Variants in WWP1 observed in about 807,000 individuals in gnomAD.
The protein encoded by WWP1 is NEDD4-like E3 ubiquitin-protein ligase WWP1.
WWP1 carries 49 observed loss-of-function variants against 130.6 expected under a neutral mutation model. The observed-to-expected ratio is 0.38, with a 90% CI of 0.30 to 0.48. WWP1 has a LOEUF of 0.48. Ranked by LOEUF, WWP1 falls within the 20% of genes least tolerant of loss-of-function variation. The probability of loss-of-function intolerance (pLI) is 0.99; values close to 1 mark genes in which losing one functional copy is unlikely to be tolerated. For synonymous variants in WWP1, 332 were observed against 367.8 expected (o/e 0.90, Z 1.11); for missense variants, 809 against 1,100.6 (o/e 0.74, Z 3.75).
At chr8:86,407,737 A>G (rs1193842072) in intron 8 of WWP1, among the ~76,000 whole-genome samples, 1 of 152,068 alleles carries the variant, frequency 6.6e-6, no homozygotes. Flanking sequence ...AAATTAATAG[A>G]CTTTATATTT....
chr8:86,396,675 C>T (rs774170810), intron 5 of WWP1, among the ~76,000 whole-genome samples: 5 of 151,316 alleles, frequency 3.3e-5, no homozygotes, highest in African/African-American at 1.2e-4. Context: ...CTTGCTGCAG[C>T]CTCGAACTCC....
At chr8:86,353,978 T>G (rs971951266) in intron 1 of WWP1, among the ~76,000 whole-genome samples, 9 of 152,244 alleles carry the variant, frequency 5.9e-5, no homozygotes, top group African/African-American at 2.2e-4. Context: ...TAATTGTAAC[T>G]TGTTTTAAAA....
intron 1 of WWP1, among the ~76,000 whole-genome samples, chr8:86,358,978 G>A (rs773457346): frequency 5.3e-5 from 8 of 152,124 alleles, no homozygotes; most frequent in Admixed American, 6.5e-5. Context: ...ACACCTGAGC[G>A]GACAGATGAT....
chr8:86,424,134 G>A (rs545722669), intron 9 of WWP1, among the ~76,000 whole-genome samples: 189 of 149,824 alleles, frequency 1.3e-3, no homozygotes, highest in Non-Finnish European at 2.0e-3. Flanking sequence ...CAGATGGGGC[G>A]GCCGGGCAGA....
At chr8:86,352,039 C>CTT (rs770047019) in intron 1 of WWP1, among the ~76,000 whole-genome samples, 55,844 of 124,980 alleles carry the variant, frequency 0.45, 14,663 homozygotes, top group Non-Finnish European at 0.6. Context: ...TAAAATATTC[C>CTT]TTTTTTTTTT....
intron 21 of WWP1, 66 bp downstream of exon 21, chr8:86,452,745 T>C: frequency 6.4e-7 from 1 of 1,572,818 alleles, no homozygotes; most frequent in Non-Finnish European, 8.7e-7. Context: ...TTAGTGCTTT[T>C]ACAGAACAGT....
At chr8:86,348,366 G>A (rs1377194828) in intron 1 of WWP1, among the ~76,000 whole-genome samples, 1 of 152,074 alleles carries the variant, frequency 6.6e-6, no homozygotes, top group Non-Finnish European at 1.5e-5. Flanking sequence ...TTGCAGGCAT[G>A]CACCACCACA....
chr8:86,439,029 T>A lies in WWP1; in HGVS notation c.1838+356T>A, dbSNP rs938056685. Among the ~76,000 whole-genome samples the A allele has an allele frequency of 4.6e-5, 7 of 152,276 alleles. No individual in the cohort carries two copies. The East Asian group carries it at 1.4e-3, about 29-fold the overall frequency. On this transcript the variant is annotated intron_variant, in intron 17 of 24. Transcript: ENST00000517970. ...CAGTGAGTGAATGAATTTGTTTATT[T>A]CTTTTTCTTCTTGTTTTTTAAAAAG...
At chr8:86,458,668 C>A (rs1563552038) in intron 22 of WWP1, among the ~76,000 whole-genome samples, 1 of 152,130 alleles carries the variant, frequency 6.6e-6, no homozygotes, top group African/African-American at 2.4e-5. Flanking sequence ...AACTTAGTGA[C>A]TGGACTTCTG....
intron 5 of WWP1, among the ~76,000 whole-genome samples, chr8:86,387,743 C>T (rs772255304): frequency 1.3e-5 from 2 of 152,092 alleles, no homozygotes; most frequent in Non-Finnish European, 2.9e-5. Flanking sequence ...AGACTGGTCT[C>T]GAACTCCTGA....
chr8:86,423,751 C>T (rs369105688), intron 9 of WWP1, among the ~76,000 whole-genome samples: 116 of 151,070 alleles, frequency 7.7e-4, no homozygotes, highest in African/African-American at 2.3e-3. Flanking sequence ...ACTTCCCAGA[C>T]GGGGTGGCGG....
At chr8:86,418,763 G>A (rs1263257611) in intron 9 of WWP1, among the ~76,000 whole-genome samples, 10 of 152,140 alleles carry the variant, frequency 6.6e-5, no homozygotes. Flanking sequence ...TCCTAAATCA[G>A]CAGACGTAAG....
In WWP1 at chr8:86,461,300, G is replaced by A. The variant is rs1408062707; in HGVS notation, c.2576G>A (p.Gly859Glu). The A allele has an allele frequency of 3.7e-6, 6 of 1,614,072 alleles. No homozygotes were observed. Among genetic ancestry groups the A allele is most frequent in the South Asian group, 2.2e-5 (2 of 91,080 alleles). The change falls in exon 23 of 25, where the codon GGA becomes GAA. Residue 859 changes from glycine (G) to glutamate (E), a missense_variant. Around this residue, in one of 3 missense-constraint regions of WWP1, gnomAD observed 450 missense variants for 674.2 expected, o/e 0.67. Coordinates refer to ENST00000517970, the MANE Select transcript of WWP1 (RefSeq NM_007013.4). Reference sequence around the variant, plus strand: ...ACTGGAACCTGCCGTTTACCTCTAGGAGGATTTGCTGAGCTCATGGGTAAA... The same window carrying A: ...ACTGGAACCTGCCGTTTACCTCTAGAAGGATTTGCTGAGCTCATGGGTAAA... ...FVTGTCRLPL[G>E]GFAELMGSNG...
chr8:86,431,817 C>A, intron 14 of WWP1, 74 bp downstream of exon 14: 2 of 1,572,852 alleles, frequency 1.3e-6, no homozygotes, highest in South Asian at 2.4e-5. Flanking sequence ...AATTTATCCT[C>A]AAGTTTAGCA....
At chr8:86,391,479 C>G (rs1563490547) in intron 5 of WWP1, among the ~76,000 whole-genome samples, 1 of 151,736 alleles carries the variant, frequency 6.6e-6, no homozygotes, top group Non-Finnish European at 1.5e-5. Context: ...ATGTTTCACT[C>G]AGTCAGCCTC....
chr8:86,381,444 A>G (rs922034990), intron 4 of WWP1, 61 bp from the exon 5 acceptor site: 147 of 1,530,010 alleles, frequency 9.6e-5, no homozygotes, highest in African/African-American at 2.8e-5. Flanking sequence ...AGGAATTGTT[A>G]CTTATTAATA....
intron 1 of WWP1, among the ~76,000 whole-genome samples, chr8:86,366,931 AG>A (rs1315995446): frequency 2.0e-5 from 3 of 152,138 alleles, no homozygotes; most frequent in Non-Finnish European, 4.4e-5. Context: ...TCTATTTTGT[AG>A]TTTACATTTT....
intron 5 of WWP1, among the ~76,000 whole-genome samples, chr8:86,385,227 C>T (rs929683408): frequency 1.3e-5 from 2 of 152,108 alleles, no homozygotes; most frequent in South Asian, 2.1e-4. Context: ...ATAGTCAGCA[C>T]CTTGAATAGA....
At chr8:86,355,061 C>T (rs1264338251) in intron 1 of WWP1, among the ~76,000 whole-genome samples, 1 of 152,168 alleles carries the variant, frequency 6.6e-6, no homozygotes. Flanking sequence ...GCATGTAGGT[C>T]TGTCCGACTT....
Sources: gnomAD v4.1 joint callset for allele counts (sites outside exome capture counted in the v4.1 genomes callset) on GRCh38, gnomAD v4.1.1 for gene constraint, gnomAD v4.1.1 regional missense constraint, MANE v1.5 for transcripts, NCBI Gene and HGNC (gene_info 2026-07-23, HGNC 2026-07-21) for gene names.